ZBTB44: variants seen among roughly 807,000 people sequenced by gnomAD.
ZBTB44 encodes the protein zinc finger and BTB domain containing 44.
Under a neutral mutation model 54.0 loss-of-function variants are expected in ZBTB44, and 15 were observed. That is an observed-to-expected ratio of 0.28 (90% confidence interval 0.19 to 0.43). The LOEUF is 0.43. Ranked by LOEUF, ZBTB44 falls within the 20% of genes least tolerant of loss-of-function variation. The pLI, the probability that ZBTB44 is intolerant of heterozygous loss-of-function variation, is 1.00. For missense variants in ZBTB44, 487 were observed against 707.1 expected, an observed-to-expected ratio of 0.69 and a Z score of 3.53; for synonymous variants, 230 against 250.1, an observed-to-expected ratio of 0.92 and a Z score of 0.76.
rs1458873108 is a variant in ZBTB44, at chr11:130,271,617, T to C, written c.-56-9688A>G. On this transcript the variant is annotated intron_variant, in intron 1 of 7. Transcript: ENST00000357899. The stretch of plus-strand genomic sequence containing the variant: ...GGAATCATATAATAATGTGGACGTT[T>C]GGGGCTCACTTCACTTAGTATAATG... 2.0e-5 allele frequency among the ~76,000 whole-genome samples: 3 copies of C among 152,224 alleles called. No homozygotes were observed. In the East Asian group the frequency reaches 5.8e-4, roughly 29 times the overall value.
intron 2 of ZBTB44, among the ~76,000 whole-genome samples, chr11:130,250,611 C>A (rs915467862): frequency 3.3e-5 from 5 of 152,214 alleles, no homozygotes; most frequent in African/African-American, 1.2e-4. Context: ...TGTTCTGCAG[C>A]CTCCGCTGGT....
At chr11:130,231,932 C>T (rs190084956) in intron 7 of ZBTB44, 2 of 152,234 alleles carry the variant, frequency 1.3e-5, no homozygotes, top group African/African-American at 4.8e-5. Context: ...AGTGAAGAAG[C>T]ATAAATGGTG....
At chr11:130,287,615 A>T (rs1941044274) in intron 1 of ZBTB44, among the ~76,000 whole-genome samples, 1 of 152,216 alleles carries the variant, frequency 6.6e-6, no homozygotes, top group African/African-American at 2.4e-5. Context: ...AAATAGAATG[A>T]ATGACTCTAA....
chr11:130,280,419 A>G (rs567555902), intron 1 of ZBTB44, among the ~76,000 whole-genome samples: 1 of 152,356 alleles, frequency 6.6e-6, no homozygotes, highest in South Asian at 2.1e-4. Context: ...AATTCTGTGT[A>G]TATACCTTAA....
At chr11:130,276,977 G>A (rs184034540) in intron 1 of ZBTB44, among the ~76,000 whole-genome samples, 1 of 152,186 alleles carries the variant, frequency 6.6e-6, no homozygotes, top group Admixed American at 6.5e-5. Context: ...GGTGGTTGCT[G>A]TTTACATGAT....
chr11:130,294,226 C>G (rs1941490043), intron 1 of ZBTB44, among the ~76,000 whole-genome samples: 1 of 151,592 alleles, frequency 6.6e-6, no homozygotes, highest in Non-Finnish European at 1.5e-5. Context: ...CTGGCCAACA[C>G]AGCGAAACCC....
chr11:130,244,794 A>G (rs572082775), intron 2 of ZBTB44, among the ~76,000 whole-genome samples: 2 of 152,280 alleles, frequency 1.3e-5, no homozygotes, highest in East Asian at 1.9e-4. Context: ...CCTTCTGATG[A>G]AGATTTGGAA....
chr11:130,245,419 A>G (rs1472454450), intron 2 of ZBTB44, among the ~76,000 whole-genome samples: 8 of 152,246 alleles, frequency 5.3e-5, no homozygotes, highest in Admixed American at 1.3e-4. Flanking sequence ...TAACTTTTCA[A>G]TCAGTCCTGG....
rs1276879218 is a variant in ZBTB44, at chr11:130,314,506, C to G, written c.-188G>C. ...GCGCGGCTCGCTGCCTCTCTCCTCC[C>G]CCGGGAGGCTCAGGGGCCCCTATCT... is the stretch of plus-strand genomic sequence containing the variant. On this transcript the variant is annotated 5_prime_UTR_variant, in exon 1 of 8. Transcript: ENST00000357899. 1 of 152,836 alleles carries G rather than the reference C, an allele frequency of 6.5e-6. No homozygotes were observed. Among genetic ancestry groups the G allele is most frequent in the Non-Finnish European group, 1.5e-5 (1 of 68,240 alleles). 9.5% of individuals were successfully genotyped at this position (152,836 alleles called of 1,614,324 possible).
chr11:130,308,728 T>C (rs907681653), intron 1 of ZBTB44, among the ~76,000 whole-genome samples: 19 of 152,188 alleles, frequency 1.2e-4, no homozygotes, highest in Admixed American at 1.2e-3. Context: ...TCACCTTATA[T>C]GTTCTAAGAA....
At chr11:130,246,278 T>TAC (rs564353916) in intron 2 of ZBTB44, among the ~76,000 whole-genome samples, 11 of 152,278 alleles carry the variant, frequency 7.2e-5, no homozygotes, top group Admixed American at 2.6e-4. Context: ...CACATATATA[T>TAC]ACACACACAC....
chr11:130,230,908 T>G lies in ZBTB44; in HGVS notation c.*856A>C, dbSNP rs776493255. 6.6e-6 allele frequency: 1 copy of G among 152,118 alleles called. No individual in the cohort carries two copies. The highest frequency in any genetic ancestry group is 1.5e-5 in the Non-Finnish European group (1 of 67,956). 9.4% of individuals were successfully genotyped at this position (152,118 alleles called of 1,614,324 possible). A position where few individuals can be genotyped will look rare whatever the true frequency, so the allele number is the denominator to read the frequency against. On this transcript the variant is annotated 3_prime_UTR_variant, in exon 8 of 8. Transcript: ENST00000357899. ...TCTAAAGTACATCACACCTATTTGGTAGTTAAAAAACTGAAAATAAAAGCT... is the reference window on the plus strand; with the variant it reads ...TCTAAAGTACATCACACCTATTTGGGAGTTAAAAAACTGAAAATAAAAGCT...
At chr11:130,264,848 G>A (rs77979847) in intron 1 of ZBTB44, among the ~76,000 whole-genome samples, 4,875 of 152,174 alleles carry the variant, frequency 0.032, 209 homozygotes, top group African/African-American at 0.099. Flanking sequence ...GAAATTTGTG[G>A]CAACCCTGCT....
chr11:130,259,849 C>T (rs564003756), intron 2 of ZBTB44, among the ~76,000 whole-genome samples: 12 of 151,726 alleles, frequency 7.9e-5, no homozygotes, highest in East Asian at 1.9e-4. Flanking sequence ...AAATACGTAA[C>T]GCAGATGAAG....
intron 1 of ZBTB44, among the ~76,000 whole-genome samples, chr11:130,276,318 G>T (rs1226380765): frequency 6.6e-6 from 1 of 151,348 alleles, no homozygotes; most frequent in Admixed American, 6.6e-5. Context: ...ATGTGCACTT[G>T]AGAAGAACAT....
At chr11:130,259,531 T>C (rs547992740) in intron 2 of ZBTB44, among the ~76,000 whole-genome samples, 60 of 152,264 alleles carry the variant, frequency 3.9e-4, no homozygotes, top group African/African-American at 1.3e-3. Context: ...CTATTCACAA[T>C]AGCAAAGACT....
intron 1 of ZBTB44, among the ~76,000 whole-genome samples, chr11:130,277,992 C>T (rs1940230754): frequency 6.6e-6 from 1 of 152,102 alleles, no homozygotes; most frequent in Admixed American, 6.6e-5. Context: ...TACAGTGGTT[C>T]CATTTTGAGT....
intron 1 of ZBTB44, among the ~76,000 whole-genome samples, chr11:130,294,413 A>AAAAAATAAAAAT (rs560293483): frequency 6.8e-6 from 1 of 147,276 alleles, no homozygotes; most frequent in Non-Finnish European, 1.5e-5. Flanking sequence ...CTCTGTCTTA[A>AAAAAATAAAAAT]AAAAATAAAA....
chr11:130,276,171 A>G (rs1207109699), intron 1 of ZBTB44, among the ~76,000 whole-genome samples: 1 of 141,912 alleles, frequency 7.0e-6, no homozygotes, highest in Non-Finnish European at 1.5e-5. Context: ...GGTTGCAGTG[A>G]GCTGAGATCA....
Sources: allele counts gnomAD v4.1 joint callset (sites outside exome capture counted in the v4.1 genomes callset), GRCh38; gene constraint gnomAD v4.1.1; transcripts MANE v1.5; gene names NCBI Gene and HGNC (gene_info 2026-07-23, HGNC 2026-07-21).